Variants in KIF1B observed in about 807,000 individuals in gnomAD.
KIF1B encodes kinesin family member 1B, also known as kinesin-like protein KIF1B.
In KIF1B, 76 loss-of-function variants were observed where a neutral mutation model predicts 241.9. The observed-to-expected ratio is 0.31, with a 90% CI of 0.26 to 0.38. The LOEUF (loss-of-function observed/expected upper bound fraction) is 0.38, where lower values mean the gene tolerates loss of function less well. Among genes scored for constraint, KIF1B ranks in the 10% least tolerant of loss-of-function variants. The probability of loss-of-function intolerance (pLI) is 1.00; values close to 1 mark genes in which losing one functional copy is unlikely to be tolerated. For synonymous variants in KIF1B, 750 were observed against 796.7 expected, an observed-to-expected ratio of 0.94 and a Z score of 0.99; for missense variants, 1,622 against 2,271.4, an observed-to-expected ratio of 0.71 and a Z score of 5.81.
intron 19 of KIF1B, 73 bp downstream of exon 19, chr1:10,295,839 A>AT: frequency 7.9e-7 from 1 of 1,267,696 alleles, no homozygotes; most frequent in Middle Eastern, 2.5e-4. Flanking sequence ...AAGACTTTGT[A>AT]TTCTCTGTCT....
At chr1:10,253,458 T>C (rs1323208740) in intron 2 of KIF1B, among the ~76,000 whole-genome samples, 1 of 151,952 alleles carries the variant, frequency 6.6e-6, no homozygotes, top group Non-Finnish European at 1.5e-5. Context: ...CTGGGCAACA[T>C]AGTGAGACTC....
In KIF1B at chr1:10,375,297, C is replaced by G. The variant is rs866755197; in HGVS notation, c.5332C>G (p.Leu1778Val). 7 of 1,613,906 alleles carry G rather than the reference C, an allele frequency of 4.3e-6. No homozygotes were observed. The highest frequency in any genetic ancestry group is 5.1e-6 in the Non-Finnish European group (6 of 1,179,920). ...TGTCTGCACAAAGCACCGTGGGGTC[C>G]TTTTGCAGGCCCTCAATGACAAAGA... ...FAVCTKHRGV[L>V]LQALNDKDMN... The change falls in exon 48 of 49, where the codon CTT (leucine) becomes GTT (valine). Residue 1778 changes from leucine (L) to valine (V), a missense_variant. Coordinates refer to ENST00000676179, the MANE Select transcript of KIF1B (RefSeq NM_001365951.3).
At chr1:10,239,223 C>T (rs1190127416) in intron 2 of KIF1B, among the ~76,000 whole-genome samples, 2 of 152,188 alleles carry the variant, frequency 1.3e-5, no homozygotes, top group Admixed American at 6.5e-5. Context: ...TTGATGAATA[C>T]AGACACAAGC....
At position 10,378,062 on chromosome 1, in the gene KIF1B, T is replaced by A. The variant is rs1042573013; in HGVS notation, c.*1475T>A. 1 of 429,024 alleles carries A rather than the reference T, an allele frequency of 2.3e-6. No individual in the cohort carries two copies. The highest frequency in any genetic ancestry group is 2.0e-5 in the African/African-American group (1 of 50,096). The allele number at this position is 429,024 out of a possible 1,614,324, so 26.6% of individuals were successfully genotyped here. ...CCTCTGAATCCAGCAGTTGTTTTCA[T>A]TGATGCTTGTCAGGTTGAAGATGCT... On this transcript the variant is annotated 3_prime_UTR_variant, in exon 49 of 49. Coordinates refer to ENST00000676179, the MANE Select transcript of KIF1B (RefSeq NM_001365951.3).
chr1:10,317,767 G>A (rs1328742297), intron 22 of KIF1B, among the ~76,000 whole-genome samples: 2 of 150,292 alleles, frequency 1.3e-5, no homozygotes, highest in Non-Finnish European at 2.9e-5. Context: ...GGAGGCAGAG[G>A]TTGTGGTGAG....
chr1:10,277,779 A>G (rs1649195486), intron 12 of KIF1B, among the ~76,000 whole-genome samples: 1 of 152,180 alleles, frequency 6.6e-6, no homozygotes, highest in Admixed American at 6.5e-5. Context: ...TGTTATTTCC[A>G]TTGTGATCTT....
At chr1:10,236,628 G>A (rs1266757932) in intron 2 of KIF1B, among the ~76,000 whole-genome samples, 2 of 152,142 alleles carry the variant, frequency 1.3e-5, no homozygotes, top group African/African-American at 2.4e-5. Flanking sequence ...TTAATCATAT[G>A]AGAACCATTA....
At chr1:10,376,429 G>A in intron 48 of KIF1B, 116 bp from the exon 49 acceptor site, 2 of 987,602 alleles carry the variant, frequency 2.0e-6, no homozygotes, top group Non-Finnish European at 1.6e-6. Context: ...AGAGGACTAG[G>A]CCTGCGGTGC....
At chr1:10,339,640 G>GT in intron 31 of KIF1B, 129 bp from the exon 32 acceptor site, 2 of 790,032 alleles carry the variant, frequency 2.5e-6, no homozygotes, top group Non-Finnish European at 4.2e-6. Flanking sequence ...GACAAGGAAA[G>GT]TAAATAACTT....
chr1:10,264,739 T>G (rs112448832), intron 5 of KIF1B, among the ~76,000 whole-genome samples: 15,242 of 151,272 alleles, frequency 0.1, 1,116 homozygotes, highest in African/African-American at 0.21. Context: ...TCGGCTCACT[T>G]CAACCTCCGC....
intron 24 of KIF1B, among the ~76,000 whole-genome samples, chr1:10,322,136 A>T (rs946449412): frequency 5.3e-5 from 8 of 152,214 alleles, no homozygotes; most frequent in African/African-American, 1.9e-4. Flanking sequence ...ATAGAAAAAT[A>T]CTTCTCTTGG....
At chr1:10,372,644 CGCCAGCTTGGGTGACAGA>C (rs1638767694) in intron 45 of KIF1B, among the ~76,000 whole-genome samples, 1 of 125,126 alleles carries the variant, frequency 8.0e-6, no homozygotes, top group Non-Finnish European at 1.6e-5. Context: ...CGCCGCTGCG[CGCCAGCTTGGGTGACAGA>C]GCTGTCACCC....
At chr1:10,221,626 A>G (rs6671413) in intron 1 of KIF1B, among the ~76,000 whole-genome samples, 5,490 of 152,172 alleles carry the variant, frequency 0.036, 348 homozygotes, top group African/African-American at 0.12. Flanking sequence ...AGAGATGCAA[A>G]ATGTGATATA....
At chr1:10,284,492 C>T (rs1212192497) in intron 15 of KIF1B, among the ~76,000 whole-genome samples, 1 of 152,068 alleles carries the variant, frequency 6.6e-6, no homozygotes, top group Non-Finnish European at 1.5e-5. Flanking sequence ...TCAAGACCAG[C>T]CTGGCCAACA....
At chr1:10,314,741 T>C (rs1203998802) in intron 22 of KIF1B, among the ~76,000 whole-genome samples, 3 of 151,576 alleles carry the variant, frequency 2.0e-5, no homozygotes, top group Non-Finnish European at 2.9e-5. Context: ...TTTAGATTCA[T>C]AGGGCTATGG....
intron 2 of KIF1B, among the ~76,000 whole-genome samples, chr1:10,249,836 G>A (rs2102167938): frequency 6.6e-6 from 1 of 152,340 alleles, no homozygotes; most frequent in Middle Eastern, 3.4e-3. Context: ...CCAGGAGGCT[G>A]AGGATGCGTG....
intron 5 of KIF1B, among the ~76,000 whole-genome samples, chr1:10,266,040 C>T (rs553401878): frequency 6.6e-6 from 1 of 152,218 alleles, no homozygotes; most frequent in Non-Finnish European, 1.5e-5. Context: ...GGATCTGTTT[C>T]CTGGGTAGCA....
chr1:10,287,776 C>G (rs906731881), intron 15 of KIF1B, among the ~76,000 whole-genome samples: 2 of 152,028 alleles, frequency 1.3e-5, no homozygotes. Context: ...CTACAGTTGC[C>G]CCAAAATAGG....
chr1:10,317,486 G>C (rs2102290844), intron 22 of KIF1B, among the ~76,000 whole-genome samples: 1 of 151,430 alleles, frequency 6.6e-6, no homozygotes, highest in African/African-American at 2.5e-5. Context: ...GTGGTACTTA[G>C]AAACCAAGAT....
Sources: allele counts gnomAD v4.1 joint callset (sites outside exome capture counted in the v4.1 genomes callset), GRCh38; gene constraint gnomAD v4.1.1; transcripts MANE v1.5; gene names NCBI Gene and HGNC (gene_info 2026-07-23, HGNC 2026-07-21).